The following SCFD2 variants were observed in gnomAD, a reference collection of about 807,000 sequenced individuals.
SCFD2 encodes sec1 family domain containing 2.
SCFD2 carries 54 observed loss-of-function variants against 58.9 expected under a neutral mutation model. That is an observed-to-expected ratio of 0.92 (90% CI 0.74 to 1.15). SCFD2 has a LOEUF of 1.15. Among genes scored for constraint, SCFD2 ranks in the 50% most tolerant of loss-of-function variants. The pLI, the probability that SCFD2 is intolerant of heterozygous loss-of-function variation, is 0.00. For missense variants in SCFD2, 805 were observed against 836.6 expected, an observed-to-expected ratio of 0.96 and a Z score of 0.47; for synonymous variants, 321 against 335.9, an observed-to-expected ratio of 0.96 and a Z score of 0.49.
chr4:53,226,362 C>CTAT (rs1560396421), intron 4 of SCFD2, among the ~76,000 whole-genome samples: 2 of 151,964 alleles, frequency 1.3e-5, no homozygotes, highest in East Asian at 3.9e-4. Context: ...AAAAAGACTA[C>CTAT]TAGAAAATAC....
At chr4:53,236,436 TCA>T (rs1729612223) in intron 4 of SCFD2, among the ~76,000 whole-genome samples, 1 of 145,034 alleles carries the variant, frequency 6.9e-6, no homozygotes, top group African/African-American at 2.6e-5. Flanking sequence ...GATATATATA[TCA>T]CACATATATA....
intron 3 of SCFD2, among the ~76,000 whole-genome samples, chr4:53,305,889 T>C (rs1000444582): frequency 2.6e-5 from 4 of 152,216 alleles, no homozygotes; most frequent in Non-Finnish European, 5.9e-5. Context: ...AGGAGAGTGA[T>C]AGAAAAGCAA....
At position 53,365,316 on chromosome 4, in the gene SCFD2, G is replaced by T. The variant is rs759798881; in HGVS notation, c.626C>A (p.Thr209Asn). Residue 209 changes from threonine to asparagine, a missense_variant, in exon 1 of 9, where the codon ACC becomes AAC. Coordinates refer to ENST00000401642, the MANE Select transcript of SCFD2 (RefSeq NM_152540.4). This position sits in a 1 kb window ranked among gnomAD's most constrained non-coding sequence, Gnocchi z 4.3. ...SLGDVDSTTL[T>N]PELLLQIRCL... ...TCTGATCTGCAGCAGCAGCTCTGGG[G>T]TTAGCGTAGTGGAGTCCACATCACC... 6.8e-6 allele frequency: 11 copies of T among 1,614,076 alleles called. No homozygotes were observed. The African/African-American group carries it at 9.3e-5, about 14-fold the overall frequency.
At chr4:53,237,912 C>T (rs1729708622) in intron 4 of SCFD2, among the ~76,000 whole-genome samples, 1 of 97,794 alleles carries the variant, frequency 1.0e-5, no homozygotes, top group Non-Finnish European at 2.1e-5. Context: ...GGGGCTGACC[C>T]CCCCACCTCC....
chr4:53,105,012 G>C (rs1298481293), intron 5 of SCFD2, among the ~76,000 whole-genome samples: 1 of 152,140 alleles, frequency 6.6e-6, no homozygotes, highest in Non-Finnish European at 1.5e-5. Flanking sequence ...GGAGTGGTCA[G>C]ACAATGGGTG....
chr4:52,878,851 T>G (rs1388677388), intron 8 of SCFD2, among the ~76,000 whole-genome samples: 7 of 152,198 alleles, frequency 4.6e-5, no homozygotes, highest in Admixed American at 4.6e-4. Context: ...TTCTCTGCAT[T>G]TTCTAAAATG....
At chr4:53,275,136 T>C (rs1731288982) in intron 3 of SCFD2, among the ~76,000 whole-genome samples, 1 of 152,226 alleles carries the variant, frequency 6.6e-6, no homozygotes, top group African/African-American at 2.4e-5. Flanking sequence ...GCTGCATCTA[T>C]TAGTCCTGCC....
intron 5 of SCFD2, among the ~76,000 whole-genome samples, chr4:53,007,121 A>T (rs1335814251): frequency 6.6e-6 from 1 of 151,874 alleles, no homozygotes; most frequent in Non-Finnish European, 1.5e-5. Flanking sequence ...TCTCTAAAAA[A>T]AAATTAAAAA....
intron 5 of SCFD2, among the ~76,000 whole-genome samples, chr4:52,960,709 GACACACACACACACACACA>G (rs1359333191): frequency 6.7e-6 from 1 of 149,774 alleles, no homozygotes; most frequent in Non-Finnish European, 1.5e-5. Context: ...TTCTTTCTCT[GACACACACACACACACACA>G]ACACACACAC....
chr4:53,072,240 T>C (rs1577704324), intron 5 of SCFD2, among the ~76,000 whole-genome samples: 3 of 152,252 alleles, frequency 2.0e-5, no homozygotes, highest in Admixed American at 2.0e-4. Flanking sequence ...CAGGCTCTGG[T>C]GTTAGTGATA....
chr4:53,346,995 C>T (rs1234835350), intron 2 of SCFD2, among the ~76,000 whole-genome samples: 1 of 152,144 alleles, frequency 6.6e-6, no homozygotes, highest in Admixed American at 6.5e-5. Flanking sequence ...AGACATCTCC[C>T]TCCTGCCTCC....
chr4:53,070,176 C>T (rs4450989), intron 5 of SCFD2, among the ~76,000 whole-genome samples: 147,056 of 152,122 alleles, frequency 0.97, 71,260 homozygotes, highest in Middle Eastern at 1. Flanking sequence ...AATAAGACCA[C>T]TAAAATGTCT....
chr4:53,049,834 T>G (rs537314553), intron 5 of SCFD2, among the ~76,000 whole-genome samples: 49 of 152,180 alleles, frequency 3.2e-4, no homozygotes, highest in African/African-American at 1.2e-3. Context: ...TCTCTCTCAG[T>G]GGAGGGGTTA....
At chr4:52,904,775 TG>T (rs1485868302) in intron 7 of SCFD2, among the ~76,000 whole-genome samples, 1 of 152,212 alleles carries the variant, frequency 6.6e-6, no homozygotes, top group Non-Finnish European at 1.5e-5. Flanking sequence ...CCAAGAAATG[TG>T]GTTAAGAGCT....
rs189701767 is a variant in SCFD2, at chr4:53,095,893, C to T, written c.1561+49440G>A. Reference sequence around the variant, plus strand: ...CCCATCCCGACCCCACAACAGGCCCCGGTGTGTGATGTTCCCCTTCCTGTG... The same window carrying T: ...CCCATCCCGACCCCACAACAGGCCCTGGTGTGTGATGTTCCCCTTCCTGTG... On this transcript the variant is annotated intron_variant, in intron 5 of 8. Transcript: ENST00000401642. Among the ~76,000 whole-genome samples the T allele has an allele frequency of 1.1e-3, 167 of 152,188 alleles. 1 individual carries two copies. The highest frequency in any genetic ancestry group is 3.9e-3 in the African/African-American group (160 of 41,530).
At chr4:53,255,238 C>G (rs911825342) in intron 4 of SCFD2, among the ~76,000 whole-genome samples, 1 of 64,810 alleles carries the variant, frequency 1.5e-5, no homozygotes, top group Non-Finnish European at 3.8e-5. Context: ...TTTTATGGAT[C>G]ATTCTTGGGT....
At chr4:53,255,039 A>T (rs1730554658) in intron 4 of SCFD2, among the ~76,000 whole-genome samples, 1 of 149,830 alleles carries the variant, frequency 6.7e-6, no homozygotes, top group African/African-American at 2.4e-5. Context: ...TGCCCAGCTA[A>T]TTTTTGTATT....
At chr4:52,876,756 GAAAAAAAAAA>G (rs761229349) in intron 8 of SCFD2, among the ~76,000 whole-genome samples, 3 of 54,408 alleles carry the variant, frequency 5.5e-5, no homozygotes, top group East Asian at 1.2e-3. Context: ...TCTCTGTCTC[GAAAAAAAAAA>G]AAAAAAAAAA....
intron 4 of SCFD2, among the ~76,000 whole-genome samples, chr4:53,156,455 T>C (rs1296969598): frequency 1.3e-5 from 2 of 151,224 alleles, no homozygotes; most frequent in Non-Finnish European, 2.9e-5. Context: ...CCCAGCACTT[T>C]GGGAGGCCAA....
Sources: gnomAD v4.1 joint callset for allele counts (sites outside exome capture counted in the v4.1 genomes callset) on GRCh38, gnomAD v4.1.1 for gene constraint, Gnocchi (gnomAD v3.1) non-coding constraint, MANE v1.5 for transcripts, NCBI Gene and HGNC (gene_info 2026-07-23, HGNC 2026-07-21) for gene names.